The following TFPI variants were observed in gnomAD, a reference collection of about 807,000 sequenced individuals.
TFPI encodes anti-convertin.
In TFPI, 15 loss-of-function variants were observed where a neutral mutation model predicts 34.6. The observed-to-expected ratio is 0.43, with a 90% CI of 0.29 to 0.67. The LOEUF is 0.67. Ranked by LOEUF, TFPI falls within the 30% of genes least tolerant of loss-of-function variation. The probability of loss-of-function intolerance (pLI) is 0.15; values close to 1 mark genes in which losing one functional copy is unlikely to be tolerated. For missense variants in TFPI, 301 were observed against 364.0 expected (o/e 0.83, Z 1.41); for synonymous variants, 105 against 120.1 (o/e 0.87, Z 0.82).
intron 6 of TFPI, among the ~76,000 whole-genome samples, chr2:187,482,523 T>C (rs1200729957): frequency 6.6e-6 from 1 of 152,086 alleles, no homozygotes; most frequent in Non-Finnish European, 1.5e-5. Context: ...AATTCACTGC[T>C]CTACCTATTG....
intron 1 of TFPI, chr2:187,519,267 T>A (rs1387757538): frequency 6.5e-6 from 1 of 153,164 alleles, no homozygotes; most frequent in East Asian, 1.9e-4. Flanking sequence ...TTTCCTCATC[T>A]GCATGGATTT....
At chr2:187,536,841 A>T (rs1048850462) in intron 1 of TFPI, among the ~76,000 whole-genome samples, 1 of 152,198 alleles carries the variant, frequency 6.6e-6, no homozygotes, top group Admixed American at 6.5e-5. Context: ...AAACACCATC[A>T]TCTCAGTCCA....
chr2:187,478,724 A>G (rs979313312), intron 6 of TFPI: 6 of 1,613,800 alleles, frequency 3.7e-6, no homozygotes, highest in South Asian at 3.3e-5. Flanking sequence ...ACATGGATGC[A>G]TGAATGCAGA....
At chr2:187,495,124 C>T (rs1444682264) in intron 3 of TFPI, among the ~76,000 whole-genome samples, 2 of 152,108 alleles carry the variant, frequency 1.3e-5, no homozygotes, top group Non-Finnish European at 2.9e-5. Flanking sequence ...AAGGCTATCA[C>T]TGATGAGCAA....
intron 6 of TFPI, among the ~76,000 whole-genome samples, chr2:187,468,821 T>C (rs999623180): frequency 2.0e-5 from 3 of 152,084 alleles, no homozygotes; most frequent in Admixed American, 6.6e-5. Flanking sequence ...TTGATGTTAA[T>C]AAACCAGTAC....
chr2:187,538,134 G>C (rs1431423601), intron 1 of TFPI, among the ~76,000 whole-genome samples: 1 of 152,206 alleles, frequency 6.6e-6, no homozygotes, highest in Non-Finnish European at 1.5e-5. Context: ...TGCACTGTTG[G>C]TGGGAGTGTA....
rs758230687 is a variant in TFPI at position 187,496,971 on chromosome 2, G to T, written c.229C>A (p.Arg77=). ...MKRFFFNIFT[R]QCEEFIYGGC... is the part of the protein sequence containing the mutation. Reference sequence around the variant, plus strand: ...CCATATATAAATTCTTCGCACTGTCGAGTGAAAATATTGAAGAAAAATCTT... The same window carrying T: ...CCATATATAAATTCTTCGCACTGTCTAGTGAAAATATTGAAGAAAAATCTT... Residue 77 remains arginine, a synonymous_variant, in exon 3 of 8, where the codon CGA becomes AGA. Transcript: ENST00000233156. The T allele has an allele frequency of 7.4e-6, 12 of 1,613,198 alleles. No homozygotes were observed. The South Asian group carries it at 1.3e-4, about 18-fold the overall frequency.
At chr2:187,522,859 C>A (rs1269520632) in intron 1 of TFPI, among the ~76,000 whole-genome samples, 1 of 150,974 alleles carries the variant, frequency 6.6e-6, no homozygotes, top group African/African-American at 2.4e-5. Context: ...CCGCTGCACT[C>A]CAGCCTGGGT....
chr2:187,546,475 G>A (rs1335284173), intron 1 of TFPI, among the ~76,000 whole-genome samples: 3 of 151,632 alleles, frequency 2.0e-5, no homozygotes, highest in Admixed American at 6.6e-5. Flanking sequence ...TGAACCAAAC[G>A]GAGGTTTTCA....
At chr2:187,505,359 G>T (rs1686136946) in intron 1 of TFPI, among the ~76,000 whole-genome samples, 1 of 152,094 alleles carries the variant, frequency 6.6e-6, no homozygotes, top group South Asian at 2.1e-4. Flanking sequence ...CTTTCGTTGG[G>T]TGCTAGGATT....
intron 1 of TFPI, among the ~76,000 whole-genome samples, chr2:187,553,846 C>T (rs1030089257): frequency 4.6e-5 from 7 of 151,824 alleles, no homozygotes; most frequent in African/African-American, 1.5e-4. Context: ...AAAGGTAAAC[C>T]GAACTTTCAA....
intron 1 of TFPI, among the ~76,000 whole-genome samples, chr2:187,538,219 G>C (rs756365020): frequency 3.0e-4 from 46 of 152,268 alleles, no homozygotes; most frequent in African/African-American, 7.0e-4. Flanking sequence ...ATTTGACTCA[G>C]CAATCCTATT....
At chr2:187,489,469 C>T (rs1198392683) in intron 3 of TFPI, among the ~76,000 whole-genome samples, 1 of 151,184 alleles carries the variant, frequency 6.6e-6, no homozygotes, top group African/African-American at 2.4e-5. Context: ...TAACCAACTT[C>T]ATATTAATGT....
At chr2:187,475,018 A>G (rs1286969080) in intron 6 of TFPI, among the ~76,000 whole-genome samples, 1 of 152,178 alleles carries the variant, frequency 6.6e-6, no homozygotes, top group Non-Finnish European at 1.5e-5. Context: ...GTTCTCCCGT[A>G]ACCCTTGTGC....
chr2:187,500,857 T>C (rs2106106822), intron 2 of TFPI, among the ~76,000 whole-genome samples: 1 of 152,326 alleles, frequency 6.6e-6, no homozygotes, highest in South Asian at 2.1e-4. Flanking sequence ...TTTTCATTTC[T>C]TATTTTGAAT....
At chr2:187,530,804 G>T (rs1426832508) in intron 1 of TFPI, among the ~76,000 whole-genome samples, 3 of 152,152 alleles carry the variant, frequency 2.0e-5, no homozygotes, top group Middle Eastern at 3.4e-3. Context: ...AATCTTTTAT[G>T]AATTAAAAAT....
At chr2:187,493,156 A>G (rs1685235132) in intron 3 of TFPI, among the ~76,000 whole-genome samples, 1 of 152,178 alleles carries the variant, frequency 6.6e-6, no homozygotes, top group Non-Finnish European at 1.5e-5. Context: ...AGGCATTTCC[A>G]TACATCTTCT....
intron 2 of TFPI, among the ~76,000 whole-genome samples, chr2:187,500,616 CTAAG>C (rs1412822381): frequency 4.6e-5 from 7 of 152,110 alleles, no homozygotes; most frequent in African/African-American, 1.2e-4. Flanking sequence ...AGGAGAAACA[CTAAG>C]TATTAACTTT....
chr2:187,536,429 C>T (rs1226709306), intron 1 of TFPI, among the ~76,000 whole-genome samples: 3 of 152,208 alleles, frequency 2.0e-5, no homozygotes, highest in Non-Finnish European at 4.4e-5. Context: ...GCTGGTTCAA[C>T]ATATGCAAAT....
Sources: allele counts gnomAD v4.1 joint callset (sites outside exome capture counted in the v4.1 genomes callset), GRCh38; gene constraint gnomAD v4.1.1; transcripts MANE v1.5; gene names NCBI Gene and HGNC (gene_info 2026-07-23, HGNC 2026-07-21).